CTNND2: variants seen among roughly 807,000 people sequenced by gnomAD.
CTNND2 encodes the protein catenin delta-2.
In CTNND2, 22 loss-of-function variants were observed where a neutral mutation model predicts 144.4. That is an observed-to-expected ratio of 0.15 (90% CI 0.11 to 0.22). CTNND2 has a LOEUF of 0.22. Among genes scored for constraint, CTNND2 ranks in the 10% least tolerant of loss-of-function variants. The pLI is 1.00. For missense variants in CTNND2, 1,353 were observed against 1,618.8 expected, an observed-to-expected ratio of 0.84 and a Z score of 2.82; for synonymous variants, 751 against 695.6, an observed-to-expected ratio of 1.08 and a Z score of -1.25.
At chr5:11,804,455 T>C (rs1026693008) in intron 1 of CTNND2, among the ~76,000 whole-genome samples, 1 of 152,152 alleles carries the variant, frequency 6.6e-6, no homozygotes, top group Non-Finnish European at 1.5e-5. Flanking sequence ...GCAAACAAGA[T>C]TGCCTTCAAA....
chr5:11,858,237 T>G (rs1243087219), intron 1 of CTNND2, among the ~76,000 whole-genome samples: 1 of 152,218 alleles, frequency 6.6e-6, no homozygotes, highest in Non-Finnish European at 1.5e-5. Context: ...TTCCATTTAG[T>G]TAATAACAAA....
chr5:11,809,841 G>A (rs61761645), intron 1 of CTNND2, among the ~76,000 whole-genome samples: 16 of 152,228 alleles, frequency 1.1e-4, no homozygotes, highest in African/African-American at 3.4e-4. Flanking sequence ...AAGTCACTGC[G>A]GTCCTATTGT....
At chr5:11,318,547 AT>A (rs202172773) in intron 9 of CTNND2, among the ~76,000 whole-genome samples, 2,770 of 152,134 alleles carry the variant, frequency 0.018, 37 homozygotes, top group Non-Finnish European at 0.031. Flanking sequence ...CAAGAACCTG[AT>A]TTCTTTTCTC....
chr5:11,154,197 T>G (rs1163243690), intron 12 of CTNND2, among the ~76,000 whole-genome samples: 1 of 152,218 alleles, frequency 6.6e-6, no homozygotes, highest in Non-Finnish European at 1.5e-5. Flanking sequence ...GACTTCTGGC[T>G]GTCCATAGTG....
At chr5:11,177,494 G>C (rs1371534329) in intron 11 of CTNND2, among the ~76,000 whole-genome samples, 1 of 151,958 alleles carries the variant, frequency 6.6e-6, no homozygotes, top group Non-Finnish European at 1.5e-5. Flanking sequence ...CTCCTTATTT[G>C]TGATTCCAGA....
chr5:11,666,295 G>A (rs1378197228), intron 2 of CTNND2, among the ~76,000 whole-genome samples: 1 of 152,166 alleles, frequency 6.6e-6, no homozygotes, highest in East Asian at 1.9e-4. Context: ...TCTTCCAGGA[G>A]GAAGAAACAT....
chr5:11,765,805 A>G (rs1174911245), intron 1 of CTNND2, among the ~76,000 whole-genome samples: 1 of 152,194 alleles, frequency 6.6e-6, no homozygotes. Context: ...TTGTTAGAAA[A>G]CAAATCAAAT....
At chr5:11,749,650 A>G (rs1344865231) in intron 1 of CTNND2, among the ~76,000 whole-genome samples, 1 of 152,074 alleles carries the variant, frequency 6.6e-6, no homozygotes, top group Non-Finnish European at 1.5e-5. Context: ...ATTTCTAAAG[A>G]TGTTCAAGGA....
chr5:11,433,504 T>C (rs976121888), intron 3 of CTNND2, among the ~76,000 whole-genome samples: 1 of 152,188 alleles, frequency 6.6e-6, no homozygotes, highest in Non-Finnish European at 1.5e-5. Flanking sequence ...AATTGGCTCA[T>C]GGTTCTGCAG....
At chr5:11,572,727 A>G (rs1777661949) in intron 2 of CTNND2, among the ~76,000 whole-genome samples, 1 of 151,996 alleles carries the variant, frequency 6.6e-6, no homozygotes, top group African/African-American at 2.4e-5. Flanking sequence ...CACTATCCCT[A>G]TGTCTGGCCC....
At chr5:11,128,415 C>T (rs763631417) in intron 12 of CTNND2, among the ~76,000 whole-genome samples, 9 of 152,018 alleles carry the variant, frequency 5.9e-5, no homozygotes, top group Non-Finnish European at 8.8e-5. Context: ...CCACCAGCAC[C>T]TTGATTTTAA....
At chr5:11,668,408 T>C (rs1292535705) in intron 2 of CTNND2, among the ~76,000 whole-genome samples, 4 of 152,212 alleles carry the variant, frequency 2.6e-5, no homozygotes, top group African/African-American at 9.6e-5. Flanking sequence ...ATGGAATGTT[T>C]ATCCATTTGT....
chr5:11,324,105 C>T (rs1014230151), intron 9 of CTNND2, among the ~76,000 whole-genome samples: 7 of 152,126 alleles, frequency 4.6e-5, no homozygotes, highest in East Asian at 1.9e-4. Flanking sequence ...GTCCTTGGAT[C>T]GCTAAGCTAC....
At chr5:11,300,888 G>A (rs1749530871) in intron 9 of CTNND2, among the ~76,000 whole-genome samples, 1 of 152,176 alleles carries the variant, frequency 6.6e-6, no homozygotes, top group Non-Finnish European at 1.5e-5. Context: ...CGGGCCTGCA[G>A]CACAACCTTC....
chr5:11,805,616 A>C (rs2126896719), intron 1 of CTNND2, among the ~76,000 whole-genome samples: 1 of 152,270 alleles, frequency 6.6e-6, no homozygotes, highest in African/African-American at 2.4e-5. Context: ...TAATTGGAAC[A>C]ACAAAATAAA....
At chr5:11,425,841 T>C (rs565955323) in intron 3 of CTNND2, among the ~76,000 whole-genome samples, 3 of 152,266 alleles carry the variant, frequency 2.0e-5, no homozygotes, top group South Asian at 2.1e-4. Flanking sequence ...CAAATGTTGG[T>C]TGGGCTCTCC....
chr5:11,801,934 G>A (rs949261971), intron 1 of CTNND2, among the ~76,000 whole-genome samples: 22 of 151,990 alleles, frequency 1.4e-4, no homozygotes, highest in African/African-American at 4.8e-4. Context: ...CAGAAAATGC[G>A]ATACATTTTT....
At chr5:11,596,698 A>G (rs1478228519) in intron 2 of CTNND2, among the ~76,000 whole-genome samples, 1 of 152,104 alleles carries the variant, frequency 6.6e-6, no homozygotes, top group Non-Finnish European at 1.5e-5. Context: ...TGTCCTTTAA[A>G]TAGTTAACTT....
At chr5:11,456,449 T>A (rs1765744813) in intron 3 of CTNND2, among the ~76,000 whole-genome samples, 1 of 151,340 alleles carries the variant, frequency 6.6e-6, no homozygotes, top group African/African-American at 2.4e-5. Context: ...TAGTTTCACA[T>A]CTGTGTCCAG....
Sources: allele counts gnomAD v4.1 joint callset (sites outside exome capture counted in the v4.1 genomes callset), GRCh38; gene constraint gnomAD v4.1.1; transcripts MANE v1.5; gene names NCBI Gene and HGNC (gene_info 2026-07-23, HGNC 2026-07-21).